The following NMNAT2 variants were observed in gnomAD, a reference collection of about 807,000 sequenced individuals.
NMNAT2 encodes the protein nicotinamide/nicotinic acid mononucleotide adenylyltransferase 2.
A neutral mutation model predicts 41.6 loss-of-function variants in NMNAT2; 11 were observed. The ratio of observed to expected loss-of-function variants is 0.26; its 90% CI spans 0.17 to 0.44. NMNAT2 has a LOEUF of 0.44. Among genes scored for constraint, NMNAT2 ranks in the 20% least tolerant of loss-of-function variants. The pLI is 1.00. For missense variants in NMNAT2, 288 were observed against 407.7 expected, an observed-to-expected ratio of 0.71 and a Z score of 2.53; for synonymous variants, 148 against 151.2, an observed-to-expected ratio of 0.98 and a Z score of 0.16.
At chr1:183,334,378 C>T (rs957943443) in intron 1 of NMNAT2, among the ~76,000 whole-genome samples, 16 of 151,966 alleles carry the variant, frequency 1.1e-4, no homozygotes, top group African/African-American at 3.9e-4. Flanking sequence ...TGTTGAATTT[C>T]AATAGACTCC....
chr1:183,284,599 T>G (rs1449745300), intron 6 of NMNAT2, 111 bp downstream of exon 6: 1 of 905,576 alleles, frequency 1.1e-6, no homozygotes, highest in Non-Finnish European at 1.8e-6. Context: ...ACACACACAA[T>G]CACGGGAATT....
intron 1 of NMNAT2, among the ~76,000 whole-genome samples, chr1:183,416,808 A>G (rs1649263773): frequency 6.6e-6 from 1 of 152,052 alleles, no homozygotes; most frequent in Non-Finnish European, 1.5e-5. Flanking sequence ...AGCCTAAGCC[A>G]CCTCGCCCTG....
chr1:183,325,890 C>T (rs1662452192), intron 1 of NMNAT2, among the ~76,000 whole-genome samples: 1 of 152,182 alleles, frequency 6.6e-6, no homozygotes, highest in South Asian at 2.1e-4. Context: ...GGTACCCAGC[C>T]TAGGTGCTGA....
At position 183,249,677 on chromosome 1, in the gene NMNAT2, T is replaced by C. The variant is rs1406781684; in HGVS notation, c.*2964A>G. 8.9e-6 allele frequency: 1 copy of C among 112,414 alleles called. No individual in the cohort carries two copies. The highest frequency in any genetic ancestry group is 2.4e-4 in the East Asian group (1 of 4,092). The allele number at this position is 112,414 out of a possible 1,614,324, so 7.0% of individuals were successfully genotyped here. ...TGACCTTCCCCTAGCAAATGAAGAG[T>C]AGGGCGTGTGTGTGTGTGTGTGTGT... is the stretch of plus-strand genomic sequence containing the variant. On this transcript the variant is annotated 3_prime_UTR_variant, in exon 11 of 11. Transcript: ENST00000287713.
chr1:183,401,615 A>C (rs1169836982), intron 1 of NMNAT2, among the ~76,000 whole-genome samples: 2 of 152,012 alleles, frequency 1.3e-5, no homozygotes, highest in African/African-American at 4.8e-5. Context: ...CACATGCACA[A>C]GTATGTTTAT....
intron 1 of NMNAT2, among the ~76,000 whole-genome samples, chr1:183,376,400 C>T (rs1359964249): frequency 3.3e-5 from 5 of 152,112 alleles, no homozygotes; most frequent in African/African-American, 1.2e-4. Context: ...TGGCTGAGTG[C>T]TTGTGCTGGT....
intron 1 of NMNAT2, among the ~76,000 whole-genome samples, chr1:183,331,649 C>A: frequency 6.6e-6 from 1 of 152,248 alleles, no homozygotes; most frequent in East Asian, 1.9e-4. Flanking sequence ...CAGGCGTGAG[C>A]CTTCCAGACA....
At position 183,286,669 on chromosome 1, in the gene NMNAT2, G is replaced by C; in HGVS notation, c.441C>G (p.Pro147=). 1 of 1,609,350 alleles carries C rather than the reference G, an allele frequency of 6.2e-7. No homozygotes were observed. ...ACATCAGTGTTCCCCTACCTGCAGT[G>C]GGCTTGGTGGCCACGTTGCTGTTCT... is the stretch of plus-strand genomic sequence containing the variant. ...IYQNSNVATK[P]TAAKILGKVG... Residue 147 remains proline, a synonymous_variant, in exon 5 of 11, where the codon CCC becomes CCG. Coordinates refer to ENST00000287713, the MANE Select transcript of NMNAT2 (RefSeq NM_015039.4).
At chr1:183,300,136 G>T in intron 1 of NMNAT2, among the ~76,000 whole-genome samples, 1 of 152,088 alleles carries the variant, frequency 6.6e-6, no homozygotes, top group Non-Finnish European at 1.5e-5. Context: ...GGGCACAGTG[G>T]CTCATGACTG....
At chr1:183,315,166 G>A (rs184090927) in intron 1 of NMNAT2, among the ~76,000 whole-genome samples, 2 of 152,244 alleles carry the variant, frequency 1.3e-5, no homozygotes, top group Admixed American at 1.3e-4. Context: ...AAAAATAGAG[G>A]CAAATATTCA....
At chr1:183,353,254 C>G (rs1411713178) in intron 1 of NMNAT2, among the ~76,000 whole-genome samples, 2 of 152,168 alleles carry the variant, frequency 1.3e-5, no homozygotes, top group African/African-American at 4.8e-5. Flanking sequence ...GATCCACCCG[C>G]CTCGGCCTCC....
intron 1 of NMNAT2, among the ~76,000 whole-genome samples, chr1:183,389,219 T>G (rs1013561709): frequency 6.6e-6 from 1 of 152,084 alleles, no homozygotes; most frequent in African/African-American, 2.4e-5. Flanking sequence ...AATCTCTATA[T>G]CCCCCTTATT....
chr1:183,296,787 T>C (rs1050956719), intron 1 of NMNAT2, among the ~76,000 whole-genome samples: 6 of 152,188 alleles, frequency 3.9e-5, no homozygotes, highest in African/African-American at 1.4e-4. Context: ...GTGCTGGGAT[T>C]ACAGGCATGA....
chr1:183,370,008 C>T (rs1663497255), intron 1 of NMNAT2, among the ~76,000 whole-genome samples: 1 of 151,946 alleles, frequency 6.6e-6, no homozygotes, highest in Admixed American at 6.6e-5. Context: ...CTAGGTCATG[C>T]TAAAGAGAAC....
chr1:183,316,151 G>T (rs1419426670), intron 1 of NMNAT2, among the ~76,000 whole-genome samples: 1 of 152,154 alleles, frequency 6.6e-6, no homozygotes, highest in Non-Finnish European at 1.5e-5. Flanking sequence ...GGGAATGGAG[G>T]TGACATCACA....
chr1:183,373,524 C>T (rs2101912127), intron 1 of NMNAT2, among the ~76,000 whole-genome samples: 1 of 152,302 alleles, frequency 6.6e-6, no homozygotes, highest in Non-Finnish European at 1.5e-5. Context: ...CCGTGAAATT[C>T]CATGGAGTCA....
At chr1:183,339,473 C>A (rs1324992158) in intron 1 of NMNAT2, among the ~76,000 whole-genome samples, 1 of 152,150 alleles carries the variant, frequency 6.6e-6, no homozygotes, top group Non-Finnish European at 1.5e-5. Context: ...TCCTTTGCAG[C>A]ATTATTGTAG....
At chr1:183,384,605 C>T (rs564096905) in intron 1 of NMNAT2, among the ~76,000 whole-genome samples, 5 of 152,214 alleles carry the variant, frequency 3.3e-5, no homozygotes, top group African/African-American at 4.8e-5. Context: ...CACTAGGCCC[C>T]TTCTCCAACA....
At chr1:183,383,181 T>C (rs935345355) in intron 1 of NMNAT2, among the ~76,000 whole-genome samples, 7 of 152,168 alleles carry the variant, frequency 4.6e-5, no homozygotes, top group Non-Finnish European at 1.0e-4. Flanking sequence ...GCCTGAGACA[T>C]ATCTGGGGCC....
Sources: gnomAD v4.1 joint callset for allele counts (sites outside exome capture counted in the v4.1 genomes callset) on GRCh38, gnomAD v4.1.1 for gene constraint, MANE v1.5 for transcripts, NCBI Gene and HGNC (gene_info 2026-07-23, HGNC 2026-07-21) for gene names.